Variants in DENND5B observed in about 807,000 individuals in gnomAD.
DENND5B encodes the protein DENN domain-containing protein 5B.
In DENND5B, 34 loss-of-function variants were observed where a neutral mutation model predicts 140.6. The observed-to-expected ratio is 0.24, with a 90% CI of 0.18 to 0.32. The LOEUF (loss-of-function observed/expected upper bound fraction) is 0.32. Ranked by LOEUF, DENND5B falls within the 10% of genes least tolerant of loss-of-function variation. The pLI, the probability that DENND5B is intolerant of heterozygous loss-of-function variation, is 1.00. For missense variants in DENND5B, 1,142 were observed against 1,560.2 expected (o/e 0.73, Z 4.52); for synonymous variants, 551 against 562.1 (o/e 0.98, Z 0.28).
chr12:31,469,804 G>C (rs189789359), intron 3 of DENND5B, among the ~76,000 whole-genome samples: 1 of 152,186 alleles, frequency 6.6e-6, no homozygotes, highest in East Asian at 1.9e-4. Context: ...ATTGAAAAGA[G>C]TCTGGCATCT....
intron 1 of DENND5B, among the ~76,000 whole-genome samples, chr12:31,534,006 T>G (rs900018510): frequency 4.6e-5 from 7 of 152,106 alleles, no homozygotes; most frequent in Non-Finnish European, 1.5e-5. Flanking sequence ...GCATCAATAT[T>G]TAAGACTTAA....
rs1196094546 is a variant in DENND5B at position 31,452,263 on chromosome 12, T to C, written c.1306A>G (p.Asn436Asp). The part of the protein sequence containing the change: ...KDLVNDKKNG[N>D]VCTNNISMYE... The stretch of plus-strand genomic sequence containing the variant: ...ATGCTGATGTTATTAGTACAGACAT[T>C]GCCGTTCTTTTTGTCATTGACCAAG... The change falls in exon 5 of 21, where the codon AAT (asparagine) becomes GAT (aspartate). Residue 436 changes from asparagine to aspartate, a missense_variant. Asn to Asp is a conservative substitution (Grantham distance 23). This residue lies in a region of DENND5B where 708 missense variants were observed against 905.5 expected (regional missense o/e 0.78). Coordinates refer to ENST00000389082, the MANE Select transcript of DENND5B (RefSeq NM_144973.4). 1 of 1,613,990 alleles carries C rather than the reference T, an allele frequency of 6.2e-7. No homozygotes were observed.
At chr12:31,440,888 A>G (rs1225688678) in intron 7 of DENND5B, among the ~76,000 whole-genome samples, 1 of 152,166 alleles carries the variant, frequency 6.6e-6, no homozygotes, top group East Asian at 1.9e-4. Context: ...GGCATGCACC[A>G]CCACACCCAG....
At position 31,424,591 on chromosome 12, in the gene DENND5B, C is replaced by T. The variant is rs1211936427; in HGVS notation, c.2335G>A (p.Ala779Thr). 6.2e-7 allele frequency: 1 copy of T among 1,613,910 alleles called. No individual in the cohort carries two copies. Among genetic ancestry groups the T allele is most frequent in the Non-Finnish European group, 8.5e-7 (1 of 1,179,878 alleles). ...ITGLEENTLI[A>T]SLCDLLERIW... ...CTCTCCAGCAGGTCACAAAGGCTGG[C>T]GATCAAGGTGTTCTCCTCCAGGCCG... is the stretch of plus-strand genomic sequence containing the variant. Residue 779 changes from alanine (A) to threonine (T), a missense_variant, in exon 10 of 21, where the codon GCC (alanine) becomes ACC (threonine). Ala to Thr is a moderately conservative substitution (Grantham distance 58, BLOSUM62 0). This residue lies in a region of DENND5B where 33 missense variants were observed against 90.8 expected (regional missense o/e 0.36). Transcript: ENST00000389082.
At chr12:31,403,209 A>G (rs1941902742) in intron 14 of DENND5B, among the ~76,000 whole-genome samples, 1 of 152,152 alleles carries the variant, frequency 6.6e-6, no homozygotes, top group South Asian at 2.1e-4. Context: ...CACTCTGGAC[A>G]TATCGTGAAG....
intron 8 of DENND5B, among the ~76,000 whole-genome samples, chr12:31,426,915 A>G (rs1190981322): frequency 6.6e-6 from 1 of 152,192 alleles, no homozygotes; most frequent in African/African-American, 2.4e-5. Flanking sequence ...ATCAAGTCAC[A>G]ACAGTAAAAT....
At chr12:31,495,051 C>A (rs1298365664) in intron 2 of DENND5B, among the ~76,000 whole-genome samples, 1 of 152,134 alleles carries the variant, frequency 6.6e-6, no homozygotes, top group African/African-American at 2.4e-5. Context: ...TTCTACTGTA[C>A]CTAAATAACG....
intron 5 of DENND5B, among the ~76,000 whole-genome samples, chr12:31,449,432 A>T (rs1021674673): frequency 4.7e-4 from 71 of 152,036 alleles, no homozygotes; most frequent in African/African-American, 1.3e-3. Context: ...CCTTTTTTTA[A>T]AAAAAGTGGG....
chr12:31,469,345 AAAAG>A (rs1565610552), intron 3 of DENND5B, among the ~76,000 whole-genome samples: 3 of 139,748 alleles, frequency 2.1e-5, no homozygotes, highest in African/African-American at 5.1e-5. Context: ...AAAAAAAAAA[AAAAG>A]AAGAAGAAGA....
intron 1 of DENND5B, among the ~76,000 whole-genome samples, chr12:31,508,846 A>G (rs771240653): frequency 8.5e-5 from 13 of 152,232 alleles, no homozygotes; most frequent in East Asian, 1.9e-4. Flanking sequence ...ACAATGACCT[A>G]TAAGATGACT....
intron 1 of DENND5B, among the ~76,000 whole-genome samples, chr12:31,577,145 A>T (rs1278896544): frequency 6.6e-6 from 1 of 152,236 alleles, no homozygotes; most frequent in Admixed American, 6.5e-5. Context: ...TGAGGAATTA[A>T]GATGATCAGA....
chr12:31,440,708 G>A (rs932936448), intron 7 of DENND5B, among the ~76,000 whole-genome samples: 7 of 152,094 alleles, frequency 4.6e-5, no homozygotes, highest in South Asian at 2.1e-4. Context: ...TGACCAGGCT[G>A]GAATGCAGTG....
intron 3 of DENND5B, among the ~76,000 whole-genome samples, chr12:31,468,638 C>G (rs1048625971): frequency 6.6e-6 from 1 of 150,432 alleles, no homozygotes; most frequent in African/African-American, 2.5e-5. Context: ...GAGACCCTGT[C>G]ATTTCAAAAA....
At chr12:31,426,146 G>C in intron 9 of DENND5B, 147 bp downstream of exon 9, 1 of 854,624 alleles carries the variant, frequency 1.2e-6, no homozygotes, top group Non-Finnish European at 1.7e-6. Context: ...CAATACCCGA[G>C]TAAAGAGCAC....
chr12:31,455,743 T>C (rs903720075), intron 4 of DENND5B, among the ~76,000 whole-genome samples: 5 of 152,096 alleles, frequency 3.3e-5, no homozygotes, highest in Admixed American at 1.3e-4. Flanking sequence ...AAAAGTGGGC[T>C]GGGCATGGTG....
intron 11 of DENND5B, among the ~76,000 whole-genome samples, chr12:31,417,467 G>A (rs1245348609): frequency 6.6e-6 from 1 of 151,584 alleles, no homozygotes; most frequent in Admixed American, 6.6e-5. Context: ...TGCAAAGTGA[G>A]TAATCTAAAT....
At chr12:31,496,621 T>C (rs1217146870) in intron 1 of DENND5B, among the ~76,000 whole-genome samples, 2 of 152,134 alleles carry the variant, frequency 1.3e-5, no homozygotes, top group Non-Finnish European at 2.9e-5. Context: ...CCCAGAACTT[T>C]GGGAGGCTGA....
intron 1 of DENND5B, among the ~76,000 whole-genome samples, chr12:31,519,980 T>A (rs1480793728): frequency 6.6e-6 from 1 of 152,202 alleles, no homozygotes; most frequent in Non-Finnish European, 1.5e-5. Context: ...CCCTGTTTGC[T>A]AGGTGTGTTT....
At chr12:31,550,417 G>A (rs1278801886) in intron 1 of DENND5B, among the ~76,000 whole-genome samples, 5 of 151,840 alleles carry the variant, frequency 3.3e-5, no homozygotes, top group African/African-American at 9.7e-5. Flanking sequence ...TGGCTGCATA[G>A]TATTCCATGG....
Sources: gnomAD v4.1 joint callset for allele counts (sites outside exome capture counted in the v4.1 genomes callset) on GRCh38, gnomAD v4.1.1 for gene constraint, gnomAD v4.1.1 regional missense constraint, MANE v1.5 for transcripts, NCBI Gene and HGNC (gene_info 2026-07-23, HGNC 2026-07-21) for gene names.